The following DLGAP1 variants were observed in gnomAD, a reference collection of about 807,000 sequenced individuals.
DLGAP1 encodes disks large-associated protein 1.
DLGAP1 carries 11 observed loss-of-function variants against 90.8 expected under a neutral mutation model. The ratio of observed to expected loss-of-function variants is 0.12; its 90% confidence interval spans 0.08 to 0.20. The LOEUF is 0.20. Ranked by LOEUF, DLGAP1 falls within the 10% of genes least tolerant of loss-of-function variation. The probability of loss-of-function intolerance (pLI) is 1.00; values close to 1 mark genes in which losing one functional copy is unlikely to be tolerated. For synonymous variants in DLGAP1, 558 were observed against 540.7 expected (o/e 1.03, Z -0.44); for missense variants, 1,050 against 1,333.8 (o/e 0.79, Z 3.31).
chr18:3,848,160 C>CAAAAAAA (rs2069126896), intron 4 of DLGAP1, among the ~76,000 whole-genome samples: 4 of 63,070 alleles, frequency 6.3e-5, no homozygotes, highest in South Asian at 5.5e-4. Context: ...AAAAAAAAAG[C>CAAAAAAA]CAAGGACAGT....
chr18:3,976,222 G>GTAATAATAATAATA (rs1568329962), intron 3 of DLGAP1, among the ~76,000 whole-genome samples: 15 of 123,996 alleles, frequency 1.2e-4, no homozygotes, highest in African/African-American at 4.2e-4. Flanking sequence ...TAATAATAAC[G>GTAATAATAATAATA]ATAATTAGCC....
chr18:4,265,891 C>A (rs540589904), intron 1 of DLGAP1, among the ~76,000 whole-genome samples: 1 of 151,656 alleles, frequency 6.6e-6, no homozygotes, highest in Admixed American at 6.6e-5. Flanking sequence ...TTTCCCTATG[C>A]TGCCCAGGCT....
At chr18:3,913,175 C>G (rs764056888) in intron 3 of DLGAP1, among the ~76,000 whole-genome samples, 1 of 152,112 alleles carries the variant, frequency 6.6e-6, no homozygotes, top group South Asian at 2.1e-4. Flanking sequence ...AATGCAGCCT[C>G]GACCTTCTGG....
At chr18:3,951,558 T>C (rs991416722) in intron 3 of DLGAP1, among the ~76,000 whole-genome samples, 8 of 152,352 alleles carry the variant, frequency 5.3e-5, no homozygotes, top group African/African-American at 1.9e-4. Flanking sequence ...TTCAAGAAAC[T>C]CTGGTTTACA....
chr18:3,837,463 T>C lies in DLGAP1; in HGVS notation c.958-23190A>G, dbSNP rs148106665. 3.9e-3 allele frequency among the ~76,000 whole-genome samples: 601 copies of C among 152,302 alleles called. 2 individuals carry two copies. The highest frequency in any genetic ancestry group is 0.014 in the African/African-American group (579 of 41,570). Reference sequence around the variant, plus strand: ...TATAGATGTAGGCTCTTTCTTTTCATAAACAAAACTTGAAACAATACTAAA... The same window carrying C: ...TATAGATGTAGGCTCTTTCTTTTCACAAACAAAACTTGAAACAATACTAAA... On this transcript the variant is annotated intron_variant, in intron 4 of 12. Coordinates refer to ENST00000315677, the MANE Select transcript of DLGAP1 (RefSeq NM_004746.4).
intron 9 of DLGAP1, among the ~76,000 whole-genome samples, chr18:3,562,096 G>A (rs748620786): frequency 3.3e-5 from 5 of 151,924 alleles, no homozygotes; most frequent in South Asian, 4.2e-4. Context: ...GCGTGGTGGC[G>A]GGCACCTGTA....
chr18:3,842,523 A>G (rs896912277), intron 4 of DLGAP1, among the ~76,000 whole-genome samples: 3 of 152,074 alleles, frequency 2.0e-5, no homozygotes, highest in Non-Finnish European at 4.4e-5. Context: ...GAAATGATGG[A>G]GGTTTAACTG....
chr18:4,268,438 C>A (rs1348737579), intron 1 of DLGAP1, among the ~76,000 whole-genome samples: 2 of 152,030 alleles, frequency 1.3e-5, no homozygotes, highest in Non-Finnish European at 2.9e-5. Context: ...GGAGTGAATA[C>A]CTATTTGATG....
At chr18:4,230,877 G>T (rs529710753) in intron 1 of DLGAP1, among the ~76,000 whole-genome samples, 1 of 151,456 alleles carries the variant, frequency 6.6e-6, no homozygotes, top group East Asian at 1.9e-4. Flanking sequence ...AATATGTCAT[G>T]TATGCCATAA....
At chr18:3,884,357 A>G (rs2071255505) in intron 3 of DLGAP1, among the ~76,000 whole-genome samples, 1 of 152,228 alleles carries the variant, frequency 6.6e-6, no homozygotes, top group Admixed American at 6.5e-5. Context: ...ATGATCACAT[A>G]TAGTAGAATC....
rs914259314 is a variant in DLGAP1, at chr18:4,058,072, T to C, written c.-158-52871A>G. Among the ~76,000 whole-genome samples the C allele has an allele frequency of 1.3e-3, 194 of 152,286 alleles. 1 individual carries two copies. The highest frequency in any genetic ancestry group is 2.9e-4 in the Non-Finnish European group (20 of 68,020). On this transcript the variant is annotated intron_variant, in intron 2 of 12. Coordinates refer to ENST00000315677, the MANE Select transcript of DLGAP1 (RefSeq NM_004746.4). Reference sequence around the variant, plus strand: ...TGGGACAGGAGGCTTATGAGAGTAGTAGGGTTAAAGCCTGAGACCATGCAA... The same window carrying C: ...TGGGACAGGAGGCTTATGAGAGTAGCAGGGTTAAAGCCTGAGACCATGCAA...
intron 10 of DLGAP1, among the ~76,000 whole-genome samples, chr18:3,522,731 C>A (rs567436632): frequency 6.6e-6 from 1 of 151,638 alleles, no homozygotes; most frequent in African/African-American, 2.4e-5. Flanking sequence ...TTAGTAGAGA[C>A]GGGGTTTCAC....
At chr18:4,177,341 ACTTT>A (rs2077126103) in intron 1 of DLGAP1, among the ~76,000 whole-genome samples, 1 of 139,902 alleles carries the variant, frequency 7.1e-6, no homozygotes, top group Non-Finnish European at 1.5e-5. Context: ...ATATGCCTTG[ACTTT>A]CTTTGAACAC....
At chr18:3,762,097 G>A (rs1234362562) in intron 5 of DLGAP1, among the ~76,000 whole-genome samples, 2 of 151,968 alleles carry the variant, frequency 1.3e-5, no homozygotes, top group Non-Finnish European at 2.9e-5. Context: ...AGTACTTCAG[G>A]GACTATTATG....
At chr18:3,921,422 G>T (rs1443640588) in intron 3 of DLGAP1, among the ~76,000 whole-genome samples, 1 of 152,184 alleles carries the variant, frequency 6.6e-6, no homozygotes, top group African/African-American at 2.4e-5. Flanking sequence ...TAGAAAGCAT[G>T]GTGTGGTGGA....
At chr18:4,388,814 C>G (rs1408481451) in intron 1 of DLGAP1, among the ~76,000 whole-genome samples, 2 of 152,144 alleles carry the variant, frequency 1.3e-5, no homozygotes, top group Non-Finnish European at 2.9e-5. Context: ...GATATCACCT[C>G]ACACCCATCA....
At chr18:4,422,807 A>G (rs1048382126) in intron 1 of DLGAP1, among the ~76,000 whole-genome samples, 52 of 152,226 alleles carry the variant, frequency 3.4e-4, no homozygotes, top group Middle Eastern at 3.4e-3. Flanking sequence ...ATTATATTTA[A>G]GAAAAAGCGA....
At chr18:3,610,400 G>T (rs914677792) in intron 7 of DLGAP1, among the ~76,000 whole-genome samples, 6 of 152,292 alleles carry the variant, frequency 3.9e-5, no homozygotes, top group South Asian at 4.1e-4. Flanking sequence ...CTTAACCACA[G>T]ACTACCTTCT....
intron 7 of DLGAP1, among the ~76,000 whole-genome samples, chr18:3,673,366 C>T (rs1352325851): frequency 3.3e-5 from 5 of 152,168 alleles, no homozygotes; most frequent in African/African-American, 1.2e-4. Context: ...TTGCCCTCAG[C>T]GACCTGTCTG....
Sources: gnomAD v4.1 joint callset for allele counts (sites outside exome capture counted in the v4.1 genomes callset) on GRCh38, gnomAD v4.1.1 for gene constraint, MANE v1.5 for transcripts, NCBI Gene and HGNC (gene_info 2026-07-23, HGNC 2026-07-21) for gene names.